The following COBL variants were observed in gnomAD, a reference collection of about 807,000 sequenced individuals.
COBL encodes cordon-bleu WH2 repeat protein.
COBL carries 51 observed loss-of-function variants against 98.8 expected under a neutral mutation model. The ratio of observed to expected loss-of-function variants is 0.52; its 90% CI spans 0.41 to 0.65. COBL has a LOEUF of 0.65. Among genes scored for constraint, COBL ranks in the 30% least tolerant of loss-of-function variants. The pLI is 0.00. For missense variants in COBL, 1,617 were observed against 1,617.5 expected (o/e 1.00, Z 0.01); for synonymous variants, 634 against 651.7 (o/e 0.97, Z 0.41).
intron 5 of COBL, among the ~76,000 whole-genome samples, chr7:51,147,097 C>T (rs1362968353): frequency 1.3e-5 from 2 of 152,166 alleles, no homozygotes; most frequent in African/African-American, 4.8e-5. Flanking sequence ...CTCTCAGAAT[C>T]CAGTCAGGAC....
At chr7:51,269,444 C>A (rs972196946) in intron 1 of COBL, among the ~76,000 whole-genome samples, 1 of 152,162 alleles carries the variant, frequency 6.6e-6, no homozygotes, top group African/African-American at 2.4e-5. Context: ...AGGGTCCAGA[C>A]GCAACTGCCA....
intron 1 of COBL, among the ~76,000 whole-genome samples, chr7:51,233,509 A>G (rs1353639217): frequency 6.6e-6 from 1 of 152,232 alleles, no homozygotes. Context: ...ATCCTAAGAC[A>G]AAAACTGCAG....
chr7:51,137,406 A>G (rs1395088158), intron 5 of COBL, among the ~76,000 whole-genome samples: 1 of 152,178 alleles, frequency 6.6e-6, no homozygotes, highest in African/African-American at 2.4e-5. Flanking sequence ...TGTGAATCAA[A>G]TGAGTGACTG....
chr7:51,304,878 G>A (rs1007472811), intron 1 of COBL, among the ~76,000 whole-genome samples: 6 of 152,130 alleles, frequency 3.9e-5, no homozygotes, highest in East Asian at 3.9e-4. Context: ...ACAGTCCCTC[G>A]AAGTGACAAA....
chr7:51,096,193 G>C (rs1340647468), intron 6 of COBL, among the ~76,000 whole-genome samples: 1 of 152,106 alleles, frequency 6.6e-6, no homozygotes, highest in Non-Finnish European at 1.5e-5. Flanking sequence ...ATGGAATGAA[G>C]CTAGAAATCA....
At chr7:51,065,540 C>T (rs982343344) in intron 7 of COBL, 17 of 613,442 alleles carry the variant, frequency 2.8e-5, no homozygotes, top group Middle Eastern at 8.1e-4. Context: ...CTAGGGTGGG[C>T]TACAGCCAGC....
intron 1 of COBL, among the ~76,000 whole-genome samples, chr7:51,222,043 GC>G (rs1295838559): frequency 6.6e-6 from 1 of 152,124 alleles, no homozygotes; most frequent in African/African-American, 2.4e-5. Context: ...CAAAAAATTA[GC>G]CAGGCGTGGT....
chr7:51,288,098 G>A (rs1036952654), intron 1 of COBL, among the ~76,000 whole-genome samples: 2 of 152,130 alleles, frequency 1.3e-5, no homozygotes, highest in East Asian at 3.9e-4. Context: ...TATGAAAGAA[G>A]TCAACTGGAC....
At chr7:51,051,251 C>G (rs951993482) in intron 7 of COBL, among the ~76,000 whole-genome samples, 4 of 152,192 alleles carry the variant, frequency 2.6e-5, no homozygotes, top group African/African-American at 9.6e-5. Flanking sequence ...CATATGTTCA[C>G]ATGATTTGTT....
intron 5 of COBL, among the ~76,000 whole-genome samples, chr7:51,153,493 ATG>A (rs1441404540): frequency 6.6e-6 from 1 of 152,256 alleles, no homozygotes; most frequent in African/African-American, 2.4e-5. Flanking sequence ...GCCTGCAGGT[ATG>A]TGTTATTTAA....
At chr7:51,197,436 A>G (rs1190426207) in intron 2 of COBL, among the ~76,000 whole-genome samples, 1 of 152,030 alleles carries the variant, frequency 6.6e-6, no homozygotes, top group Non-Finnish European at 1.5e-5. Context: ...TTTATTTCTG[A>G]TTATGTGATC....
chr7:51,251,710 C>T (rs2129137649), intron 1 of COBL, among the ~76,000 whole-genome samples: 1 of 152,280 alleles, frequency 6.6e-6, no homozygotes, highest in Non-Finnish European at 1.5e-5. Context: ...ATACGGTGTA[C>T]ACTCAACCAA....
Position 51,136,191 on chromosome 7 carries a change from T to C in COBL, c.924A>G (p.Ser308=), listed in dbSNP as rs772660501. 6.2e-7 allele frequency: 1 copy of C among 1,612,686 alleles called. No homozygotes were observed. The highest frequency in any genetic ancestry group is 2.2e-5 in the East Asian group (1 of 44,894). ...KKRRAPPPPG[S]GPPVQDKASE... ...ATGCCTTGTCTTGCACAGGTGGCCC[T>C]GAACCTGGAGGAGGAGGGGCTCGGC... The change falls in exon 6 of 13, where the codon TCA becomes TCG. Residue 308 remains serine, a synonymous_variant. Transcript: ENST00000265136.
chr7:51,172,578 C>G (rs1424904071), intron 5 of COBL: 3 of 1,255,822 alleles, frequency 2.4e-6, no homozygotes, highest in Non-Finnish European at 3.1e-6. Context: ...AAAGTTCAGA[C>G]AGAAAACATA....
At chr7:51,114,686 C>A (rs762443934) in intron 6 of COBL, among the ~76,000 whole-genome samples, 4 of 152,192 alleles carry the variant, frequency 2.6e-5, no homozygotes, top group African/African-American at 9.7e-5. Context: ...CAGATTGTCA[C>A]AAGGCCAGTT....
Position 51,027,823 on chromosome 7 carries a change from C to T in COBL, c.3273G>A (p.Pro1091=), listed in dbSNP as rs369589304. The T allele has an allele frequency of 5.9e-5, 95 of 1,614,198 alleles. No homozygotes were observed. Among genetic ancestry groups the T allele is most frequent in the South Asian group, 2.1e-4 (19 of 91,090 alleles). Reference sequence around the variant, plus strand: ...GGACAACAGGTTTGAATTTTTTCTTCGGCCCAAAAATGCTGGGTGGCCAAA... The same window carrying T: ...GGACAACAGGTTTGAATTTTTTCTTTGGCCCAAAAATGCTGGGTGGCCAAA... ...DSIWPPSIFG[P]KKKFKPVVQR... The change falls in exon 10 of 13, where the codon CCG becomes CCA. Residue 1091 remains proline (P), a synonymous_variant. Transcript: ENST00000265136.
intron 5 of COBL, among the ~76,000 whole-genome samples, chr7:51,164,583 C>T (rs1229754453): frequency 6.6e-6 from 1 of 151,918 alleles, no homozygotes; most frequent in Non-Finnish European, 1.5e-5. Context: ...TGGGGAATTT[C>T]TCAAATCTGA....
rs1315504051 is a variant in COBL at position 51,027,840 on chromosome 7, G to A, written c.3256C>T (p.Pro1086Ser). ...DGNETDSIWP[P>S]SIFGPKKKFK... ...TTTTTCTTCGGCCCAAAAATGCTGG[G>A]TGGCCAAATACTGTCTGTTTCATTT... The change falls in exon 10 of 13, where the codon CCC becomes TCC. Residue 1086 changes from proline to serine, a missense_variant. This residue lies in a region of COBL where 1,304 missense variants were observed against 1,282.0 expected (regional missense o/e 1.02). Transcript: ENST00000265136. 6.2e-7 allele frequency: 1 copy of A among 1,614,238 alleles called. No homozygotes were observed. The highest frequency in any genetic ancestry group is 8.5e-7 in the Non-Finnish European group (1 of 1,180,054).
intron 6 of COBL, among the ~76,000 whole-genome samples, chr7:51,122,598 A>G (rs1218116140): frequency 1.3e-5 from 2 of 152,244 alleles, no homozygotes; most frequent in Non-Finnish European, 2.9e-5. Flanking sequence ...TACAAAATGC[A>G]TTAGTATCAA....
Sources: allele counts gnomAD v4.1 joint callset (sites outside exome capture counted in the v4.1 genomes callset), GRCh38; gene constraint gnomAD v4.1.1; regional missense constraint gnomAD v4.1.1; transcripts MANE v1.5; gene names NCBI Gene and HGNC (gene_info 2026-07-23, HGNC 2026-07-21).